The following CD36 variants were observed in gnomAD, a reference collection of about 807,000 sequenced individuals.
CD36 encodes platelet glycoprotein 4.
Under a neutral mutation model 55.2 loss-of-function variants are expected in CD36, and 119 were observed. That is an observed-to-expected ratio of 2.15 (90% CI 1.86 to 2.51). CD36 has a LOEUF of 2.51. Ranked by LOEUF, CD36 falls within the 30% of genes most tolerant of loss-of-function variation. The probability of loss-of-function intolerance (pLI) is 0.00; values close to 1 mark genes in which losing one functional copy is unlikely to be tolerated. For missense variants in CD36, 819 were observed against 555.5 expected, an observed-to-expected ratio of 1.47 and a Z score of -4.77; for synonymous variants, 186 against 193.6, an observed-to-expected ratio of 0.96 and a Z score of 0.33.
chr7:80,625,281 G>T (rs555211176), intron 1 of CD36, among the ~76,000 whole-genome samples: 238 of 152,236 alleles, frequency 1.6e-3, no homozygotes, highest in African/African-American at 5.2e-3. Flanking sequence ...TAATTGTTTT[G>T]CTGGTCACAC....
chr7:80,633,465 C>T (rs750571597), intron 1 of CD36: 6 of 151,954 alleles, frequency 3.9e-5, no homozygotes, highest in South Asian at 4.1e-4. Context: ...CTCTGATATT[C>T]GGAATTTCAC....
chr7:80,656,836 C>G (rs1356182516), intron 4 of CD36, 136 bp downstream of exon 4: 2 of 776,398 alleles, frequency 2.6e-6, no homozygotes, highest in Non-Finnish European at 4.2e-6. Context: ...AAATATTTTT[C>G]CTGTCTGTAT....
At chr7:80,660,729 T>C (rs543288590) in intron 4 of CD36, among the ~76,000 whole-genome samples, 2 of 152,208 alleles carry the variant, frequency 1.3e-5, no homozygotes, top group Non-Finnish European at 2.9e-5. Context: ...AGACCATTTA[T>C]GTAGACTTGT....
rs183708810 is a variant in CD36, at chr7:80,677,232, G to A, written c.*849G>A. On this transcript the variant is annotated 3_prime_UTR_variant, in exon 15 of 15. Transcript: ENST00000447544. ...CATCCTTTACAGCAGTAGGACAATT[G>A]CAAAGGTTTTTCCTTTTTCATAAGG... The A allele has an allele frequency of 6.6e-6, 1 of 152,220 alleles. No homozygotes were observed. The highest frequency in any genetic ancestry group is 1.9e-4 in the East Asian group (1 of 5,178). The allele number at this position is 152,220 out of a possible 1,614,324, so 9.4% of individuals were successfully genotyped here.
At chr7:80,616,980 C>G (rs1793200718) in intron 1 of CD36, among the ~76,000 whole-genome samples, 1 of 152,148 alleles carries the variant, frequency 6.6e-6, no homozygotes, top group African/African-American at 2.4e-5. Context: ...TGCTATACAT[C>G]TCATTATCAA....
intron 1 of CD36, among the ~76,000 whole-genome samples, chr7:80,609,752 C>G (rs1228415384): frequency 6.6e-6 from 1 of 152,204 alleles, no homozygotes; most frequent in African/African-American, 2.4e-5. Flanking sequence ...CACACGTAAT[C>G]TGAAGATTTC....
At chr7:80,607,453 A>G (rs777974974) in intron 1 of CD36, among the ~76,000 whole-genome samples, 5 of 152,080 alleles carry the variant, frequency 3.3e-5, no homozygotes, top group Non-Finnish European at 5.9e-5. Flanking sequence ...TTTTTAGCAC[A>G]CTCTAAAACT....
chr7:80,636,186 G>A (rs758241085), upstream of CD36, among the ~76,000 whole-genome samples: 1 of 152,086 alleles, frequency 6.6e-6, no homozygotes, highest in African/African-American at 2.4e-5. Flanking sequence ...AGGGGAGGAG[G>A]CTTGTAGGAA....
intron 1 of CD36, chr7:80,626,361 G>T (rs1271145513): frequency 6.6e-6 from 1 of 152,046 alleles, no homozygotes; most frequent in Admixed American, 6.6e-5. Context: ...ACATGAAAAT[G>T]AAGCTTAAAT....
At chr7:80,674,235 G>A in intron 14 of CD36, 88 bp downstream of exon 14, 1 of 909,878 alleles carries the variant, frequency 1.1e-6, no homozygotes, top group Non-Finnish European at 1.8e-6. Flanking sequence ...TACATATTAG[G>A]CCATATATAT....
At chr7:80,645,090 G>A (rs374496667) in intron 1 of CD36, among the ~76,000 whole-genome samples, 92 of 150,440 alleles carry the variant, frequency 6.1e-4, no homozygotes, top group African/African-American at 2.2e-3. Flanking sequence ...GCATGATCTC[G>A]GCTCACCGCA....
intron 1 of CD36, among the ~76,000 whole-genome samples, chr7:80,630,286 G>C (rs1179222143): frequency 6.6e-6 from 1 of 151,998 alleles, no homozygotes; most frequent in African/African-American, 2.4e-5. Context: ...CTTAAAAGGA[G>C]TAGAAGAGCT....
Position 80,602,354 on chromosome 7 carries a change from C to T in CD36, c.-209C>T, listed in dbSNP as rs539733007. 9.9e-5 allele frequency: 15 copies of T among 152,228 alleles called. No homozygotes were observed. In the East Asian group the frequency reaches 2.9e-3, roughly 29 times the overall value. 9.4% of individuals were successfully genotyped at this position (152,228 alleles called of 1,614,324 possible). ...GAGCCAGTCTTGAGGTCCTACATCTCCGAAAGCAAGCTCTTCTAGAAGTTG... is the reference window on the plus strand; with the variant it reads ...GAGCCAGTCTTGAGGTCCTACATCTTCGAAAGCAAGCTCTTCTAGAAGTTG... On this transcript the variant is annotated 5_prime_UTR_variant, in exon 1 of 14. Coordinates refer to the CD36 transcript ENST00000309881.
intron 12 of CD36, chr7:80,673,047 G>A (rs1214304444): frequency 2.3e-5 from 13 of 559,828 alleles, no homozygotes; most frequent in Non-Finnish European, 3.8e-5. Context: ...TTGAGCATTT[G>A]ATAGCATCTC....
intron 3 of CD36, among the ~76,000 whole-genome samples, chr7:80,651,602 T>C (rs1044319703): frequency 3.3e-5 from 5 of 152,118 alleles, no homozygotes; most frequent in South Asian, 4.1e-4. Context: ...ATTGAAATCA[T>C]GATTCATTAA....
chr7:80,669,845 T>C (rs777822945), intron 8 of CD36, 108 bp from the exon 9 acceptor site: 1 of 802,150 alleles, frequency 1.2e-6, no homozygotes, highest in Non-Finnish European at 2.2e-6. Context: ...ATAAATTACT[T>C]AGGCAGTTTG....
At chr7:80,661,544 T>A (rs1017199560) in intron 5 of CD36, among the ~76,000 whole-genome samples, 1 of 152,168 alleles carries the variant, frequency 6.6e-6, no homozygotes, top group African/African-American at 2.4e-5. Flanking sequence ...TTTAAGTATG[T>A]AAGCAACTAT....
chr7:80,662,974 G>A lies in CD36; in HGVS notation c.430-16G>A, dbSNP rs117684347. Reference sequence around the variant, plus strand: ...ATATTGTATTCTTGTCTTAAACAGTGACTTTGTTTTTGTAGGCTGCATCCC... The same window carrying A: ...ATATTGTATTCTTGTCTTAAACAGTAACTTTGTTTTTGTAGGCTGCATCCC... On this transcript the variant is annotated splice_polypyrimidine_tract_variant and intron_variant, in intron 5 of 14. Coordinates refer to ENST00000447544, the MANE Select transcript of CD36 (RefSeq NM_001001548.3). 1.3e-6 allele frequency: 2 copies of A among 1,594,218 alleles called. No individual in the cohort carries two copies. The highest frequency in any genetic ancestry group is 1.7e-6 in the Non-Finnish European group (2 of 1,162,838).
intron 14 of CD36, chr7:80,676,076 TATG>T (rs1253399949): frequency 1.3e-5 from 2 of 152,154 alleles, no homozygotes; most frequent in Non-Finnish European, 2.9e-5. Flanking sequence ...TAATAAAAAG[TATG>T]ATATCTAAGA....
Sources: allele counts gnomAD v4.1 joint callset (sites outside exome capture counted in the v4.1 genomes callset), GRCh38; gene constraint gnomAD v4.1.1; transcripts MANE v1.5; gene names NCBI Gene and HGNC (gene_info 2026-07-23, HGNC 2026-07-21).